WDPCP: variants seen among roughly 807,000 people sequenced by gnomAD.
The protein encoded by WDPCP is WD repeat-containing and planar cell polarity effector protein fritz homolog.
WDPCP carries 71 observed loss-of-function variants against 93.1 expected under a neutral mutation model. The observed-to-expected ratio is 0.76, with a 90% confidence interval of 0.63 to 0.93. The LOEUF (loss-of-function observed/expected upper bound fraction) is 0.93, where lower values mean the gene tolerates loss of function less well. Among genes scored for constraint, WDPCP ranks in the 40% least tolerant of loss-of-function variants. WDPCP has a pLI of 0.00. For missense variants in WDPCP, 844 were observed against 887.4 expected, an observed-to-expected ratio of 0.95 and a Z score of 0.62; for synonymous variants, 315 against 315.0, an observed-to-expected ratio of 1.00 and a Z score of 0.00.
intron 2 of WDPCP, among the ~76,000 whole-genome samples, chr2:63,715,054 AAGGTCACATATGGG>A (rs1299274941): frequency 6.6e-6 from 1 of 152,254 alleles, no homozygotes; most frequent in East Asian, 1.9e-4. Context: ...GCCAGACACA[AAGGTCACATATGGG>A]ATGATTCCAT....
intron 12 of WDPCP, among the ~76,000 whole-genome samples, chr2:63,341,669 T>A (rs538241611): frequency 6.6e-6 from 1 of 152,352 alleles, no homozygotes; most frequent in East Asian, 1.9e-4. Context: ...TAACTTTCTA[T>A]TCCCTTCAAT....
intron 13 of WDPCP, among the ~76,000 whole-genome samples, chr2:63,286,163 A>G (rs111933169): frequency 2.6e-5 from 4 of 151,956 alleles, no homozygotes; most frequent in African/African-American, 9.7e-5. Flanking sequence ...ACACCACCAC[A>G]CTCAAATTTT....
chr2:63,517,025 G>A (rs919952495), intron 1 of WDPCP, among the ~76,000 whole-genome samples: 3 of 152,046 alleles, frequency 2.0e-5, no homozygotes, highest in Admixed American at 6.6e-5. Flanking sequence ...CTCACTATCC[G>A]TCACCACTTC....
At chr2:63,634,480 A>C (rs1415421436) in intron 3 of WDPCP, among the ~76,000 whole-genome samples, 2 of 152,222 alleles carry the variant, frequency 1.3e-5, no homozygotes, top group Admixed American at 6.5e-5. Flanking sequence ...GAAAATCCAT[A>C]AGGAAATATT....
rs547634961 is a variant in WDPCP, at chr2:63,275,717, A to G, written c.1813-16308T>C. Among the ~76,000 whole-genome samples the G allele has an allele frequency of 4.6e-5, 7 of 152,314 alleles. No individual in the cohort carries two copies. The East Asian group carries it at 1.3e-3, about 29-fold the overall frequency. On this transcript the variant is annotated intron_variant, in intron 13 of 17. Coordinates refer to ENST00000272321, the MANE Select transcript of WDPCP (RefSeq NM_015910.7). ...TGTATGAGGAAAATGAAATAACACC[A>G]GTAAAAAAAACCAAAGAGGACACAA...
intron 2 of WDPCP, among the ~76,000 whole-genome samples, chr2:63,731,799 CAT>C (rs1669565273): frequency 6.6e-6 from 1 of 152,092 alleles, no homozygotes; most frequent in Admixed American, 6.5e-5. Context: ...TGAATTCAGA[CAT>C]GTCATCAATG....
chr2:63,593,497 A>G (rs1709241488), upstream of WDPCP: 1 of 466,050 alleles, frequency 2.1e-6, no homozygotes, highest in African/African-American at 2.0e-5. Context: ...GAAGCTTGAA[A>G]GAAGCCTTCG....
chr2:63,752,629 C>T (rs886300637), intron 2 of WDPCP: 20 of 477,766 alleles, frequency 4.2e-5, no homozygotes, highest in Admixed American at 6.5e-5. Flanking sequence ...TTAGACATGA[C>T]GGTGGCGGTG....
chr2:63,138,718 C>T (rs1465367402), intron 17 of WDPCP, among the ~76,000 whole-genome samples: 1 of 152,130 alleles, frequency 6.6e-6, no homozygotes, highest in Non-Finnish European at 1.5e-5. Flanking sequence ...TCCGAAAGTT[C>T]TGGGATTACA....
Position 63,264,377 on chromosome 2 carries a change from C to T in WDPCP, c.1813-4968G>A, listed in dbSNP as rs192497833. ...TAAAAAGGCTGGGTGCGGTGGCTCA[C>T]GCCTGTAATCCCAGCACTTTGGGAG... is the stretch of plus-strand genomic sequence containing the variant. On this transcript the variant is annotated intron_variant, in intron 13 of 17. Transcript: ENST00000272321. Among the ~76,000 whole-genome samples the T allele has an allele frequency of 4.6e-5, 7 of 152,296 alleles. No homozygotes were observed. In the East Asian group the frequency reaches 9.7e-4, roughly 21 times the overall value.
At chr2:63,312,813 C>T (rs976248246) in intron 13 of WDPCP, among the ~76,000 whole-genome samples, 5 of 152,064 alleles carry the variant, frequency 3.3e-5, no homozygotes, top group Non-Finnish European at 5.9e-5. Context: ...TGAGAACATT[C>T]CTGCTTTGTT....
At chr2:63,702,732 T>A (rs201620773) in intron 2 of WDPCP, among the ~76,000 whole-genome samples, 94 of 151,904 alleles carry the variant, frequency 6.2e-4, no homozygotes, top group African/African-American at 1.4e-3. Context: ...TTTTTTTTTT[T>A]AATTATACTT....
intron 2 of WDPCP, among the ~76,000 whole-genome samples, chr2:63,675,245 C>G (rs1330579288): frequency 6.6e-6 from 1 of 152,170 alleles, no homozygotes; most frequent in East Asian, 1.9e-4. Flanking sequence ...TCTTCTACCA[C>G]CCAGGCAGTG....
chr2:63,362,214 TGAG>T (rs1331456081), intron 12 of WDPCP, among the ~76,000 whole-genome samples: 1 of 150,578 alleles, frequency 6.6e-6, no homozygotes. Flanking sequence ...TCCTCTTTAA[TGAG>T]GTATTGTTAC....
chr2:63,433,612 T>C, intron 9 of WDPCP, 133 bp downstream of exon 9: 2 of 981,696 alleles, frequency 2.0e-6, no homozygotes, highest in Non-Finnish European at 2.9e-6. Context: ...ATCTTCTAGA[T>C]ATGATACTTT....
chr2:63,446,475 C>T (rs1371111574), intron 6 of WDPCP, among the ~76,000 whole-genome samples: 2 of 152,182 alleles, frequency 1.3e-5, no homozygotes, highest in African/African-American at 4.8e-5. Context: ...TAAAAGAGTG[C>T]TTTTAAATGA....
In WDPCP at chr2:63,586,474, T is replaced by G. The variant is rs531014334; in HGVS notation, c.75+1723A>C. Among the ~76,000 whole-genome samples the G allele has an allele frequency of 2.0e-5, 3 of 152,324 alleles. No individual in the cohort carries two copies. In the South Asian group the frequency reaches 6.2e-4, roughly 32 times the overall value. On this transcript the variant is annotated intron_variant, in intron 1 of 17. Coordinates refer to ENST00000272321, the MANE Select transcript of WDPCP (RefSeq NM_015910.7). ...CTCACAGTGAAAGTGCAATGACATA[T>G]TGTGCTACTTGACATTAGCTATTAC...
intron 2 of WDPCP, among the ~76,000 whole-genome samples, chr2:63,658,180 T>G (rs1710189381): frequency 6.6e-6 from 1 of 152,228 alleles, no homozygotes; most frequent in Non-Finnish European, 1.5e-5. Flanking sequence ...TTGATTCTGA[T>G]TCTTGGTTTT....
At chr2:63,686,031 C>T (rs1668801089) in intron 2 of WDPCP, among the ~76,000 whole-genome samples, 1 of 152,132 alleles carries the variant, frequency 6.6e-6, no homozygotes, top group Admixed American at 6.5e-5. Context: ...AAAATCTTTT[C>T]TCTAAGATCT....
Sources: allele counts gnomAD v4.1 joint callset (sites outside exome capture counted in the v4.1 genomes callset), GRCh38; gene constraint gnomAD v4.1.1; transcripts MANE v1.5; gene names NCBI Gene and HGNC (gene_info 2026-07-23, HGNC 2026-07-21).